ZNF346: variants seen among roughly 807,000 people sequenced by gnomAD.
ZNF346 encodes double-stranded RNA-binding zinc finger protein JAZ.
In ZNF346, 23 loss-of-function variants were observed where a neutral mutation model predicts 33.7. That is an observed-to-expected ratio of 0.68 (90% CI 0.49 to 0.97). The LOEUF is 0.97. Ranked by LOEUF, ZNF346 falls within the 50% of genes least tolerant of loss-of-function variation. ZNF346 has a pLI of 0.00. For synonymous variants in ZNF346, 134 were observed against 142.4 expected (o/e 0.94, Z 0.42); for missense variants, 340 against 371.1 (o/e 0.92, Z 0.69).
chr5:177,055,421 G>A (rs1396471222), intron 5 of ZNF346, among the ~76,000 whole-genome samples: 1 of 152,114 alleles, frequency 6.6e-6, no homozygotes, highest in African/African-American at 2.4e-5. Flanking sequence ...CTTCATAAAT[G>A]TGTGGAAACT....
chr5:177,036,968 G>GA (rs916382074), intron 1 of ZNF346, among the ~76,000 whole-genome samples: 35 of 146,258 alleles, frequency 2.4e-4, no homozygotes, highest in Admixed American at 7.5e-4. Flanking sequence ...CCCATCTGGG[G>GA]AAAAAAAAAA....
intron 1 of ZNF346, 77 bp downstream of exon 1, chr5:177,022,990 T>G: frequency 6.9e-7 from 1 of 1,441,594 alleles, no homozygotes; most frequent in Non-Finnish European, 9.1e-7. Context: ...GCGCCGACGG[T>G]CACACCCCCT....
At chr5:177,059,086 C>T (rs887591749) in intron 5 of ZNF346, among the ~76,000 whole-genome samples, 1 of 152,178 alleles carries the variant, frequency 6.6e-6, no homozygotes, top group Non-Finnish European at 1.5e-5. Flanking sequence ...CGTTCAAGGC[C>T]ATTCATTCAT....
chr5:177,040,168 G>A lies in ZNF346; in HGVS notation c.176-958G>A, dbSNP rs181429475. On this transcript the variant is annotated intron_variant, in intron 1 of 6. Transcript: ENST00000358149. ...TGCACTCCAGCCTGGGTGACAGAGC[G>A]AGACTCCCTCTCAAAAAAAAAAAAA... 7.8e-5 allele frequency among the ~76,000 whole-genome samples: 11 copies of A among 140,708 alleles called. No homozygotes were observed. In the East Asian group the frequency reaches 1.9e-3, roughly 24 times the overall value. 92.3% of individuals were successfully genotyped at this position (140,708 alleles called of 152,430 possible). A position where few individuals can be genotyped will look rare whatever the true frequency, so the allele number is the denominator to read the frequency against.
chr5:177,057,751 A>G (rs974619920), intron 5 of ZNF346, among the ~76,000 whole-genome samples: 6 of 150,682 alleles, frequency 4.0e-5, no homozygotes, highest in Admixed American at 2.0e-4. Flanking sequence ...AAAAAAAAAA[A>G]GAAAAATCAG....
At chr5:177,043,580 A>G (rs1450963778) in intron 3 of ZNF346, among the ~76,000 whole-genome samples, 1 of 152,046 alleles carries the variant, frequency 6.6e-6, no homozygotes, top group Non-Finnish European at 1.5e-5. Context: ...ACCCTAGGCA[A>G]TATGGTGAAA....
chr5:177,030,723 C>T (rs541122272), intron 1 of ZNF346, among the ~76,000 whole-genome samples: 1 of 152,120 alleles, frequency 6.6e-6, no homozygotes, highest in East Asian at 1.9e-4. Context: ...GCAACCATCA[C>T]CACTGTCTAA....
At chr5:177,036,406 T>G (rs1331248110) in intron 1 of ZNF346, among the ~76,000 whole-genome samples, 1 of 152,192 alleles carries the variant, frequency 6.6e-6, no homozygotes, top group Non-Finnish European at 1.5e-5. Context: ...TTCAACAAGA[T>G]CTTGTTCTAA....
At chr5:177,039,661 A>G (rs1779079068) in intron 1 of ZNF346, among the ~76,000 whole-genome samples, 1 of 152,106 alleles carries the variant, frequency 6.6e-6, no homozygotes, top group East Asian at 1.9e-4. Context: ...GTTTCTATGT[A>G]GAGACAGAGT....
chr5:177,041,750 C>T (rs1265056641), intron 2 of ZNF346, 28 bp from the exon 3 acceptor site: 1 of 1,471,710 alleles, frequency 6.8e-7, no homozygotes, highest in Admixed American at 1.7e-5. Flanking sequence ...ATTTGGCTAT[C>T]TTTGATCTTT....
chr5:177,062,127 T>G lies in ZNF346; in HGVS notation c.773T>G (p.Val258Gly). 1 of 1,614,100 alleles carries G rather than the reference T, an allele frequency of 6.2e-7. No individual in the cohort carries two copies. Among genetic ancestry groups the G allele is most frequent in the South Asian group, 1.1e-5 (1 of 91,078 alleles). Residue 258 changes from valine (V) to glycine (G), a missense_variant, in exon 6 of 7, where the codon GTC becomes GGC. Coordinates refer to ENST00000358149, the MANE Select transcript of ZNF346 (RefSeq NM_012279.4). ...LNSIEQYQAHVSGFKHKNQSP... is the reference protein window; with the variant it reads ...LNSIEQYQAHGSGFKHKNQSP... ...TCCATAGAACAGTACCAAGCTCATG[T>G]CAGCGGCTTCAAACACAAGAACCAG...
chr5:177,064,268 C>T (rs1782913694), intron 6 of ZNF346, among the ~76,000 whole-genome samples: 1 of 152,210 alleles, frequency 6.6e-6, no homozygotes, highest in Non-Finnish European at 1.5e-5. Flanking sequence ...GCCACTTAAG[C>T]TTTCTGAACT....
chr5:177,043,310 A>G (rs1779604770), intron 3 of ZNF346, among the ~76,000 whole-genome samples: 1 of 152,056 alleles, frequency 6.6e-6, no homozygotes, highest in Non-Finnish European at 1.5e-5. Flanking sequence ...TTTTCTCACA[A>G]TTTATAATTC....
At chr5:177,027,328 G>C (rs1159596145) in intron 1 of ZNF346, among the ~76,000 whole-genome samples, 2 of 151,818 alleles carry the variant, frequency 1.3e-5, no homozygotes, top group Non-Finnish European at 2.9e-5. Flanking sequence ...GGATTACAGG[G>C]GTGAGCCATC....
At chr5:177,073,094 T>TA (rs1783582636) in intron 8 of ZNF346, among the ~76,000 whole-genome samples, 1 of 152,202 alleles carries the variant, frequency 6.6e-6, no homozygotes, top group African/African-American at 2.4e-5. Flanking sequence ...TATGCTGTGT[T>TA]ACGATGATCT....
At chr5:177,070,340 C>T (rs1783442697), downstream of ZNF346, among the ~76,000 whole-genome samples, 1 of 152,068 alleles carries the variant, frequency 6.6e-6, no homozygotes, top group Non-Finnish European at 1.5e-5. Context: ...AATTTTGTAG[C>T]CTCGAATGGC....
At chr5:177,060,572 G>A (rs1410375914) in intron 5 of ZNF346, among the ~76,000 whole-genome samples, 2 of 150,358 alleles carry the variant, frequency 1.3e-5, no homozygotes, top group Middle Eastern at 3.7e-3. Context: ...ACTTTGGGAG[G>A]AGACCAAGGC....
intron 3 of ZNF346, 46 bp from the exon 4 acceptor site, chr5:177,044,343 G>A (rs780693561): frequency 1.2e-5 from 19 of 1,609,576 alleles, no homozygotes; most frequent in Admixed American, 1.7e-5. Context: ...AAGATTTTCT[G>A]GTGGGGCAGT....
rs935795983 is a variant in ZNF346 at position 177,065,457 on chromosome 5, G to A, written c.*858G>A. 4 of 152,700 alleles carry A rather than the reference G, an allele frequency of 2.6e-5. No homozygotes were observed. The highest frequency in any genetic ancestry group is 9.7e-5 in the African/African-American group (4 of 41,442). 9.5% of individuals were successfully genotyped at this position (152,700 alleles called of 1,614,324 possible). ...CTGCCTCATGCCCGCTAGCTGTGAG[G>A]TTCATTGCTACCCTCGGCCCTACTA... On this transcript the variant is annotated 3_prime_UTR_variant, in exon 7 of 7. Transcript: ENST00000358149.
Sources: gnomAD v4.1 joint callset for allele counts (sites outside exome capture counted in the v4.1 genomes callset) on GRCh38, gnomAD v4.1.1 for gene constraint, MANE v1.5 for transcripts, NCBI Gene and HGNC (gene_info 2026-07-23, HGNC 2026-07-21) for gene names.